The following MRPL18 variants were observed in gnomAD, a reference collection of about 807,000 sequenced individuals.
MRPL18 encodes large ribosomal subunit protein uL18m.
In MRPL18, 16 loss-of-function variants were observed where a neutral mutation model predicts 20.9. The observed-to-expected ratio is 0.76, with a 90% CI of 0.52 to 1.16. The LOEUF is 1.16. MRPL18 is among the 50% of genes most tolerant of loss of function. The pLI is 0.00. For synonymous variants in MRPL18, 91 were observed against 87.1 expected (o/e 1.04, Z -0.25); for missense variants, 233 against 230.6 (o/e 1.01, Z -0.07).
chr6:159,793,322 C>T (rs542843302), intron 2 of MRPL18, among the ~76,000 whole-genome samples: 37 of 152,088 alleles, frequency 2.4e-4, no homozygotes, highest in South Asian at 1.7e-3. Context: ...AACTACGGCC[C>T]GTGGGCCAAA....
chr6:159,792,338 A>G (rs934415311), intron 2 of MRPL18, among the ~76,000 whole-genome samples: 2 of 152,174 alleles, frequency 1.3e-5, no homozygotes, highest in African/African-American at 4.8e-5. Flanking sequence ...GTAAGAGTAA[A>G]TTGGAAATCA....
chr6:159,790,487 C>G lies in MRPL18; in HGVS notation c.-101C>G. 1 of 1,512,648 alleles carries G rather than the reference C, an allele frequency of 6.6e-7. No individual in the cohort carries two copies. The highest frequency in any genetic ancestry group is 1.4e-5 in the African/African-American group (1 of 72,894). 93.7% of individuals were successfully genotyped at this position (1,512,648 alleles called of 1,614,324 possible). On this transcript the variant is annotated 5_prime_UTR_variant, in exon 1 of 4. Transcript: ENST00000367034. The stretch of plus-strand genomic sequence containing the variant: ...GCGTGGAGAGTTTGGGGATCTACAG[C>G]AGCCAAAGGCTTGTCCCTGACTTTA...
At chr6:159,791,836 C>T (rs1247913332) in intron 2 of MRPL18, among the ~76,000 whole-genome samples, 3 of 151,688 alleles carry the variant, frequency 2.0e-5, no homozygotes, top group Admixed American at 1.3e-4. Context: ...ACCCAGGAGG[C>T]GGAGGTTGCA....
chr6:159,791,093 G>A lies in MRPL18; in HGVS notation c.206G>A (p.Arg69Gln), dbSNP rs758585915. 4 of 1,614,168 alleles carry A rather than the reference G, an allele frequency of 2.5e-6. No homozygotes were observed. The highest frequency in any genetic ancestry group is 1.7e-5 in the Admixed American group (1 of 60,018). The change falls in exon 2 of 4, where the codon CGG becomes CAG. Residue 69 changes from arginine (R) to glutamine (Q), a missense_variant. By Grantham distance (43) the Arg-to-Gln change is conservative (BLOSUM62 1). Coordinates refer to ENST00000367034, the MANE Select transcript of MRPL18 (RefSeq NM_014161.5). ...LSVARKERGWRTVFPSREFWH... is the reference protein window; with the variant it reads ...LSVARKERGWQTVFPSREFWH... Reference sequence around the variant, plus strand: ...GTAGCCAGGAAAGAGCGGGGCTGGCGGACGGTGTTTCCCTCCCGTGAGTTC... The same window carrying A: ...GTAGCCAGGAAAGAGCGGGGCTGGCAGACGGTGTTTCCCTCCCGTGAGTTC...
intron 2 of MRPL18, 100 bp downstream of exon 2, chr6:159,791,226 G>A (rs1183547664): frequency 9.8e-6 from 14 of 1,424,106 alleles, no homozygotes; most frequent in Non-Finnish European, 1.3e-5. Flanking sequence ...CCATGCGGCG[G>A]GTAGAGGCAG....
At chr6:159,792,887 T>G (rs1357518859) in intron 2 of MRPL18, among the ~76,000 whole-genome samples, 1 of 152,224 alleles carries the variant, frequency 6.6e-6, no homozygotes, top group Non-Finnish European at 1.5e-5. Flanking sequence ...GGCTGCAACC[T>G]CTGCCTCCCA....
upstream of MRPL18, among the ~76,000 whole-genome samples, chr6:159,790,260 A>C (rs992186507): frequency 6.6e-6 from 1 of 152,134 alleles, no homozygotes; most frequent in Non-Finnish European, 1.5e-5. Context: ...TAGAAAACCC[A>C]AACATGGTTT....
chr6:159,793,650 T>C (rs963713371), intron 2 of MRPL18, among the ~76,000 whole-genome samples: 22 of 152,056 alleles, frequency 1.4e-4, no homozygotes, highest in African/African-American at 4.8e-4. Context: ...TGGCTCACGT[T>C]TGTAATCCCA....
At chr6:159,797,945 G>C (rs1470991165) in intron 3 of MRPL18, 107 bp from the exon 4 acceptor site, 1 of 929,962 alleles carries the variant, frequency 1.1e-6, no homozygotes, top group Non-Finnish European at 1.6e-6. Context: ...TGGGAAGTTA[G>C]CAAGAACAAA....
At chr6:159,792,832 C>T (rs1287813100) in intron 2 of MRPL18, among the ~76,000 whole-genome samples, 1 of 152,200 alleles carries the variant, frequency 6.6e-6, no homozygotes, top group Non-Finnish European at 1.5e-5. Flanking sequence ...GAGACAAGCT[C>T]TGGCTCTATC....
chr6:159,790,504 C>T lies in MRPL18; in HGVS notation c.-84C>T, dbSNP rs775118985. 103 of 1,593,226 alleles carry T rather than the reference C, an allele frequency of 6.5e-5. 1 individual carries two copies. The Middle Eastern group carries it at 3.8e-3, about 59-fold the overall frequency. On this transcript the variant is annotated 5_prime_UTR_variant, in exon 1 of 4. Transcript: ENST00000367034. ...ATCTACAGCAGCCAAAGGCTTGTCC[C>T]TGACTTTATATGGCTGCTCCTGGCG... is the stretch of plus-strand genomic sequence containing the variant.
At chr6:159,797,202 A>G (rs188847573) in intron 2 of MRPL18, 85 bp from the exon 3 acceptor site, 4 of 1,266,026 alleles carry the variant, frequency 3.2e-6, no homozygotes, top group African/African-American at 1.5e-5. Context: ...TTGTTGAAAA[A>G]TATTTAGTCA....
rs1322579331 is a variant in MRPL18, at chr6:159,790,518, C to G, written c.-70C>G. The G allele has an allele frequency of 1.9e-6, 3 of 1,605,518 alleles. No individual in the cohort carries two copies. Among genetic ancestry groups the G allele is most frequent in the Non-Finnish European group, 2.6e-6 (3 of 1,172,848 alleles). ...AAGGCTTGTCCCTGACTTTATATGGCTGCTCCTGGCGAGCGACTGAGTCGT... is the reference window on the plus strand; with the variant it reads ...AAGGCTTGTCCCTGACTTTATATGGGTGCTCCTGGCGAGCGACTGAGTCGT... On this transcript the variant is annotated 5_prime_UTR_variant, in exon 1 of 4. Coordinates refer to ENST00000367034, the MANE Select transcript of MRPL18 (RefSeq NM_014161.5).
intron 2 of MRPL18, among the ~76,000 whole-genome samples, chr6:159,795,531 T>A (rs1781010350): frequency 6.6e-6 from 1 of 152,208 alleles, no homozygotes; most frequent in Admixed American, 6.5e-5. Flanking sequence ...AACCCTGAGT[T>A]TGACACAGCA....
At chr6:159,795,795 A>G (rs149264574) in intron 2 of MRPL18, among the ~76,000 whole-genome samples, 88 of 152,078 alleles carry the variant, frequency 5.8e-4, no homozygotes, top group African/African-American at 2.0e-3. Context: ...TTTTCTTTTT[A>G]TATTTTTGTG....
At chr6:159,796,783 G>A (rs1781039312) in intron 2 of MRPL18, among the ~76,000 whole-genome samples, 1 of 151,976 alleles carries the variant, frequency 6.6e-6, no homozygotes. Context: ...CCCTGTTTCT[G>A]AAAAATAATA....
intron 1 of MRPL18, 61 bp downstream of exon 1, chr6:159,790,700 A>G: frequency 1.3e-6 from 2 of 1,583,690 alleles, no homozygotes; most frequent in Non-Finnish European, 1.7e-6. Context: ...GTACATTGGA[A>G]CGTGCGGGTT....
chr6:159,791,226 G>C (rs1183547664), intron 2 of MRPL18, 100 bp downstream of exon 2: 1 of 1,424,228 alleles, frequency 7.0e-7, no homozygotes, highest in East Asian at 2.3e-5. Context: ...CCATGCGGCG[G>C]GTAGAGGCAG....
intron 2 of MRPL18, among the ~76,000 whole-genome samples, chr6:159,795,738 A>C (rs1273993662): frequency 1.3e-5 from 2 of 152,190 alleles, no homozygotes; most frequent in Non-Finnish European, 2.9e-5. Flanking sequence ...GGCTTTTAAC[A>C]TATTGTGTAA....
Sources: allele counts gnomAD v4.1 joint callset (sites outside exome capture counted in the v4.1 genomes callset), GRCh38; gene constraint gnomAD v4.1.1; transcripts MANE v1.5; gene names NCBI Gene and HGNC (gene_info 2026-07-23, HGNC 2026-07-21).